MTUS2: variants seen among roughly 807,000 people sequenced by gnomAD.
MTUS2 encodes microtubule associated scaffold protein 2.
A neutral mutation model predicts 114.1 loss-of-function variants in MTUS2; 40 were observed. The ratio of observed to expected loss-of-function variants is 0.35; its 90% CI spans 0.27 to 0.46. MTUS2 has a LOEUF of 0.46. Among genes scored for constraint, MTUS2 ranks in the 20% least tolerant of loss-of-function variants. The probability of loss-of-function intolerance (pLI) is 1.00; values close to 1 mark genes in which losing one functional copy is unlikely to be tolerated. For synonymous variants in MTUS2, 688 were observed against 672.0 expected, an observed-to-expected ratio of 1.02 and a Z score of -0.37; for missense variants, 1,679 against 1,705.4, an observed-to-expected ratio of 0.98 and a Z score of 0.27.
In MTUS2 at chr13:29,491,096, G is replaced by A. The variant is rs536761167; in HGVS notation, c.3506-1550G>A. 5.6e-4 allele frequency among the ~76,000 whole-genome samples: 84 copies of A among 150,634 alleles called. 1 individual carries two copies. Among genetic ancestry groups the A allele is most frequent in the Non-Finnish European group, 1.0e-3 (69 of 67,452 alleles). On this transcript the variant is annotated intron_variant, in intron 11 of 15. Coordinates refer to ENST00000612955, the MANE Select transcript of MTUS2 (RefSeq NM_001033602.4). The stretch of plus-strand genomic sequence containing the variant: ...GGGAGTGTGTGTGTGGTATGTGTGC[G>A]GGTGTTTATAGTGTGTGCAGTGTGT...
chr13:29,184,229 T>G (rs2139169733), intron 5 of MTUS2, among the ~76,000 whole-genome samples: 1 of 152,328 alleles, frequency 6.6e-6, no homozygotes, highest in South Asian at 2.1e-4. Flanking sequence ...CAAATGGATG[T>G]AACATATAAC....
chr13:29,379,397 T>C (rs991667363), intron 8 of MTUS2, among the ~76,000 whole-genome samples: 2 of 152,084 alleles, frequency 1.3e-5, no homozygotes, highest in African/African-American at 4.8e-5. Flanking sequence ...ATTAGACCTA[T>C]AGAAGAGTGG....
At chr13:29,342,012 CT>C (rs772752149) in intron 7 of MTUS2, among the ~76,000 whole-genome samples, 33 of 152,078 alleles carry the variant, frequency 2.2e-4, no homozygotes, top group Non-Finnish European at 4.6e-4. Flanking sequence ...GGTCTATGAG[CT>C]TATTTTCATA....
In MTUS2 at chr13:29,225,655, G is replaced by A. The variant is rs1397654975; in HGVS notation, c.2645-56049G>A. Among the ~76,000 whole-genome samples, 5 of 152,206 alleles carry A rather than the reference G, an allele frequency of 3.3e-5. No homozygotes were observed. In the South Asian group the frequency reaches 6.2e-4, roughly 19 times the overall value. ...ATGAATTCTCTTTAGTTTCCTTGTC[G>A]TAACAAATTAGCATCAAAATGTTTT... On this transcript the variant is annotated intron_variant, in intron 5 of 15. Coordinates refer to ENST00000612955, the MANE Select transcript of MTUS2 (RefSeq NM_001033602.4).
At chr13:29,438,136 ATTAAT>A (rs1397649277) in intron 8 of MTUS2, among the ~76,000 whole-genome samples, 3 of 152,200 alleles carry the variant, frequency 2.0e-5, no homozygotes, top group African/African-American at 4.8e-5. Context: ...CATCACATAC[ATTAAT>A]TTAATCCTCA....
intron 3 of MTUS2, among the ~76,000 whole-genome samples, chr13:29,029,893 G>A (rs1046040134): frequency 6.6e-6 from 1 of 152,152 alleles, no homozygotes; most frequent in African/African-American, 2.4e-5. Flanking sequence ...TGCCCCCATG[G>A]CCCACACACC....
At chr13:29,068,816 T>G (rs946354829) in intron 4 of MTUS2, among the ~76,000 whole-genome samples, 2 of 152,140 alleles carry the variant, frequency 1.3e-5, no homozygotes, top group African/African-American at 4.8e-5. Context: ...GAAAAGGGAC[T>G]GGAGAAGATT....
chr13:29,033,465 A>G (rs1264922782), intron 3 of MTUS2, among the ~76,000 whole-genome samples: 1 of 152,174 alleles, frequency 6.6e-6, no homozygotes, highest in Non-Finnish European at 1.5e-5. Flanking sequence ...AGTGAGTCTA[A>G]GACTAGGTTA....
At chr13:29,094,299 T>C (rs915039770) in intron 4 of MTUS2, among the ~76,000 whole-genome samples, 3 of 151,960 alleles carry the variant, frequency 2.0e-5, no homozygotes, top group African/African-American at 7.2e-5. Context: ...AAATGTTTGA[T>C]AGAATTCACT....
intron 4 of MTUS2, among the ~76,000 whole-genome samples, chr13:29,041,338 T>G (rs962312284): frequency 9.9e-5 from 15 of 152,218 alleles, no homozygotes; most frequent in African/African-American, 3.4e-4. Context: ...CATACTGTTT[T>G]GGTAACTTTA....
intron 4 of MTUS2, among the ~76,000 whole-genome samples, chr13:29,034,468 A>G (rs773780312): frequency 6.6e-6 from 1 of 152,226 alleles, no homozygotes; most frequent in Non-Finnish European, 1.5e-5. Context: ...GGTTAATGTC[A>G]TAACTGTTTA....
chr13:28,842,939 T>C (rs1371047804), intron 2 of MTUS2, among the ~76,000 whole-genome samples: 2 of 152,222 alleles, frequency 1.3e-5, no homozygotes, highest in Non-Finnish European at 2.9e-5. Context: ...GGTGCTGCCA[T>C]GGCTCTTATT....
rs1886466672 is a variant in MTUS2 at position 29,025,254 on chromosome 13, G to A, written c.556G>A (p.Ala186Thr). ...SLERASSSVA[A>T]VGSLTPQHPQ... Reference sequence around the variant, plus strand: ...GGAAAGAGCAAGCAGCTCTGTAGCTGCAGTCGGGAGCCTGACTCCGCAGCA... The same window carrying A: ...GGAAAGAGCAAGCAGCTCTGTAGCTACAGTCGGGAGCCTGACTCCGCAGCA... Residue 186 changes from alanine (A) to threonine (T), a missense_variant, in exon 3 of 16, where the codon GCA (alanine) becomes ACA (threonine). This residue lies in a region of MTUS2 where 843 missense variants were observed against 770.8 expected (regional missense o/e 1.09). Coordinates refer to ENST00000612955, the MANE Select transcript of MTUS2 (RefSeq NM_001033602.4). 1 of 1,613,996 alleles carries A rather than the reference G, an allele frequency of 6.2e-7. No homozygotes were observed.
intron 3 of MTUS2, among the ~76,000 whole-genome samples, chr13:29,029,974 A>G (rs776586081): frequency 3.3e-5 from 5 of 152,252 alleles, no homozygotes; most frequent in Non-Finnish European, 5.9e-5. Context: ...CAAGCCAACC[A>G]TATCCAAACC....
At chr13:29,286,842 C>A (rs1359555241) in intron 6 of MTUS2, among the ~76,000 whole-genome samples, 1 of 152,140 alleles carries the variant, frequency 6.6e-6, no homozygotes, top group South Asian at 2.1e-4. Flanking sequence ...AGGCGTGTAC[C>A]ACCACACCGG....
At chr13:29,295,002 T>C (rs1898877242) in intron 6 of MTUS2, among the ~76,000 whole-genome samples, 1 of 152,188 alleles carries the variant, frequency 6.6e-6, no homozygotes, top group Admixed American at 6.5e-5. Flanking sequence ...GCTTAGTTAT[T>C]CCTTTCCTAC....
At chr13:28,946,763 T>C (rs1321155963) in intron 2 of MTUS2, among the ~76,000 whole-genome samples, 1 of 152,144 alleles carries the variant, frequency 6.6e-6, no homozygotes, top group African/African-American at 2.4e-5. Context: ...CTGCCCAGGC[T>C]GGTCTTCAAT....
chr13:28,880,768 TC>T (rs940012946), intron 2 of MTUS2, among the ~76,000 whole-genome samples: 3 of 152,204 alleles, frequency 2.0e-5, no homozygotes, highest in African/African-American at 7.2e-5. Flanking sequence ...TTTCAGCTAT[TC>T]CTGTCACTTG....
intron 8 of MTUS2, among the ~76,000 whole-genome samples, chr13:29,426,988 T>G (rs1876588186): frequency 6.6e-6 from 1 of 152,186 alleles, no homozygotes; most frequent in African/African-American, 2.4e-5. Context: ...AGCCCAGGTT[T>G]GAGCTCAAGG....
Sources: gnomAD v4.1 joint callset for allele counts (sites outside exome capture counted in the v4.1 genomes callset) on GRCh38, gnomAD v4.1.1 for gene constraint, gnomAD v4.1.1 regional missense constraint, MANE v1.5 for transcripts, NCBI Gene and HGNC (gene_info 2026-07-23, HGNC 2026-07-21) for gene names.